Variants in COL1A1 observed in about 807,000 individuals in gnomAD.
COL1A1 encodes the protein collagen alpha-1(I) chain.
In COL1A1, 21 loss-of-function variants were observed where a neutral mutation model predicts 195.7. The observed-to-expected ratio is 0.11, with a 90% CI of 0.08 to 0.15. The LOEUF (loss-of-function observed/expected upper bound fraction) is 0.15, where lower values mean the gene tolerates loss of function less well. Among genes scored for constraint, COL1A1 ranks in the 10% least tolerant of loss-of-function variants. The probability of loss-of-function intolerance (pLI) is 1.00; values close to 1 mark genes in which losing one functional copy is unlikely to be tolerated. For synonymous variants in COL1A1, 749 were observed against 747.3 expected, an observed-to-expected ratio of 1.00 and a Z score of -0.04; for missense variants, 1,365 against 2,051.0, an observed-to-expected ratio of 0.67 and a Z score of 6.46.
Position 50,199,286 on chromosome 17 carries a change from C to T in COL1A1, c.411G>A (p.Gln137=). The change falls in exon 5 of 51, where the codon CAG becomes CAA. Residue 137 remains glutamine (Q), a synonymous_variant. Coordinates refer to ENST00000225964, the MANE Select transcript of COL1A1 (RefSeq NM_000088.4). The part of the protein sequence containing the change: ...GPPGRDGIPG[Q]PGLPGPPGPP... ...GTCCGGGGGGTCCGGGAAGTCCAGG[C>T]TGTCCAGGGATGCCATCTCGGCCAG... 1 of 1,527,930 alleles carries T rather than the reference C, an allele frequency of 6.5e-7. No individual in the cohort carries two copies. Among genetic ancestry groups the T allele is most frequent in the Non-Finnish European group, 8.8e-7 (1 of 1,133,562 alleles). 94.6% of individuals were successfully genotyped at this position (1,527,930 alleles called of 1,614,324 possible).
chr17:50,193,190 T>G, intron 25 of COL1A1, 143 bp from the exon 26 acceptor site: 2 of 801,274 alleles, frequency 2.5e-6, no homozygotes, highest in Non-Finnish European at 4.1e-6. Flanking sequence ...CCCCTGCAGG[T>G]GCTTCTTGCT....
chr17:50,195,880 T>C lies in COL1A1; in HGVS notation c.1056+43A>G, dbSNP rs1220659811. ...GGGGAACAGGGAGACATGAACCCCT[T>C]GGCCCATGAGGGTCATGCTTAGAGG... On this transcript the variant is annotated intron_variant, in intron 16 of 50. Coordinates refer to ENST00000225964, the MANE Select transcript of COL1A1 (RefSeq NM_000088.4). The surrounding 1 kb of genome is among the most constrained non-coding windows in gnomAD (Gnocchi z 4.3). 6.4e-7 allele frequency: 1 copy of C among 1,554,890 alleles called. No homozygotes were observed. The highest frequency in any genetic ancestry group is 8.7e-7 in the Non-Finnish European group (1 of 1,147,818).
Position 50,191,446 on chromosome 17 carries a change from A to T in COL1A1, c.2172T>A (p.Pro724=). ...APGAPGSQGA[P]GLQGMPGERG... is the part of the protein sequence containing the mutation. ...GTTCACCAGGCATTCCCTGAAGGCC[A>T]GGGGCGCCCTGGCTACCGGGAGCTC... The change falls in exon 32 of 51, where the codon CCT becomes CCA. Residue 724 remains proline, a synonymous_variant. Transcript: ENST00000225964. 1 of 1,614,008 alleles carries T rather than the reference A, an allele frequency of 6.2e-7. No homozygotes were observed. The highest frequency in any genetic ancestry group is 8.5e-7 in the Non-Finnish European group (1 of 1,179,942).
chr17:50,186,569 G>A lies in COL1A1; in HGVS notation c.3815-62C>T. On this transcript the variant is annotated intron_variant, in intron 48 of 50. Transcript: ENST00000225964. The surrounding 1 kb of genome is among the most constrained non-coding windows in gnomAD (Gnocchi z 5.3). ...GGAGCAGCCAGCACCATATGGTAGG[G>A]GCACATATGGGCATGGGGACCCTGG... 1 of 1,612,022 alleles carries A rather than the reference G, an allele frequency of 6.2e-7. No homozygotes were observed. Among genetic ancestry groups the A allele is most frequent in the Non-Finnish European group, 8.5e-7 (1 of 1,178,254 alleles).
In COL1A1 at chr17:50,194,521, A is replaced by C. The variant is rs1293566036; in HGVS notation, c.1515+52T>G. On this transcript the variant is annotated intron_variant, in intron 22 of 50. Transcript: ENST00000225964. This position sits in a 1 kb window ranked among gnomAD's most constrained non-coding sequence, Gnocchi z 6.8. ...CTTTGCCACGGGCCAAAAGAGGAAG[A>C]AGATGCCCAGGGAGCGGCAGGGTCA... is the stretch of plus-strand genomic sequence containing the variant. 1.2e-6 allele frequency: 2 copies of C among 1,612,744 alleles called. No homozygotes were observed. Among genetic ancestry groups the C allele is most frequent in the African/African-American group, 1.3e-5 (1 of 75,000 alleles).
chr17:50,196,537 C>A lies in COL1A1; in HGVS notation c.859-9G>T. 1 of 1,614,206 alleles carries A rather than the reference C, an allele frequency of 6.2e-7. No homozygotes were observed. Among genetic ancestry groups the A allele is most frequent in the Middle Eastern group, 1.7e-4 (1 of 6,060 alleles). ...GGGCTGCCAGGCTCACCCTGTAGAT[C>A]AGAGAATAATGAGTGAGAAATTCAT... On this transcript the variant is annotated splice_polypyrimidine_tract_variant and intron_variant, in intron 12 of 50. Transcript: ENST00000225964.
At chr17:50,192,114 G>C (rs558102492) in intron 29 of COL1A1, 90 bp from the exon 30 acceptor site, 327 of 1,387,554 alleles carry the variant, frequency 2.4e-4, no homozygotes, top group Non-Finnish European at 3.2e-4. Flanking sequence ...CTGGGGTCTG[G>C]CCGTGATTAG....
In COL1A1 at chr17:50,185,996, C is replaced by G. The variant is rs371547661; in HGVS notation, c.4030G>C (p.Asp1344His). Residue 1344 changes from aspartate (D) to histidine (H), a missense_variant, in exon 50 of 51, where the codon GAC becomes CAC. Physicochemically the swap from Asp to His is moderately conservative, Grantham distance 81. Transcript: ENST00000225964. ...FQFEYGGQGSDPADVAIQLTF... is the reference protein window; with the variant it reads ...FQFEYGGQGSHPADVAIQLTF... ...AGCTGGATGGCCACATCGGCAGGGT[C>G]GGAGCCCTGGCCGCCATACTCGAAC... is the stretch of plus-strand genomic sequence containing the variant. 1 of 1,612,554 alleles carries G rather than the reference C, an allele frequency of 6.2e-7. No homozygotes were observed.
Position 50,192,627 on chromosome 17 carries a change from C to T in COL1A1, c.1929+13G>A. 1 of 1,614,212 alleles carries T rather than the reference C, an allele frequency of 6.2e-7. No individual in the cohort carries two copies. On this transcript the variant is annotated intron_variant, in intron 28 of 50. Coordinates refer to ENST00000225964, the MANE Select transcript of COL1A1 (RefSeq NM_000088.4). ...CCCTACCTCCCAGCATCCTGACAGC[C>T]ATGAGGCCTCACCTGGAATCCGGGG...
At chr17:50,191,665 C>G in intron 31 of COL1A1, 123 bp downstream of exon 31, 1 of 1,232,242 alleles carries the variant, frequency 8.1e-7, no homozygotes. Flanking sequence ...CTGCCCTGGT[C>G]TTTTCCCCCC....
Position 50,185,551 on chromosome 17 carries a change from G to A in COL1A1, c.4346C>T (p.Ala1449Val). 1 of 1,613,794 alleles carries A rather than the reference G, an allele frequency of 6.2e-7. No individual in the cohort carries two copies. The highest frequency in any genetic ancestry group is 8.5e-7 in the Non-Finnish European group (1 of 1,179,946). The change falls in exon 51 of 51, where the codon GCC becomes GTC. Residue 1449 changes from alanine (A) to valine (V), a missense_variant. Transcript: ENST00000225964. Reference sequence around the variant, plus strand: ...GTCGAAGCCGAATTCCTGGTCTGGGGCACCAACGTCCAAGGGGGCCACATC... The same window carrying A: ...GTCGAAGCCGAATTCCTGGTCTGGGACACCAACGTCCAAGGGGGCCACATC... ...IIDVAPLDVG[A>V]PDQEFGFDVG... is the part of the protein sequence containing the mutation.
At position 50,192,653 on chromosome 17, in the gene COL1A1, G is replaced by A; in HGVS notation, c.1916C>T (p.Ser639Phe). The change falls in exon 28 of 51, where the codon TCC becomes TTC. Residue 639 changes from serine (S) to phenylalanine (F), a missense_variant. Physicochemically the swap from Ser to Phe is radical, Grantham distance 155 (BLOSUM62 -2). Coordinates refer to ENST00000225964, the MANE Select transcript of COL1A1 (RefSeq NM_000088.4). ...ATGAGGCCTCACCTGGAATCCGGGG[G>A]AGCCAGCAGGGCCTTGTTCACCTCT... ...GERGEQGPAGSPGFQGLPGPA... is the reference protein window; with the variant it reads ...GERGEQGPAGFPGFQGLPGPA... The A allele has an allele frequency of 6.2e-7, 1 of 1,614,220 alleles. No homozygotes were observed. The highest frequency in any genetic ancestry group is 8.5e-7 in the Non-Finnish European group (1 of 1,180,038).
chr17:50,199,238 AGGGGGTCCGGGAGGTCCG>A lies in COL1A1; in HGVS notation c.441_458del (p.Pro149_Gly154del), dbSNP rs1315804923. On this transcript the variant is annotated inframe_deletion, in exon 5 of 51. Transcript: ENST00000225964. ...CCTCTCCACTTACTCCTCCGAGGCC[AGGGGGTCCGGGAGGTCCG>A]GGGGGTCCGGGGGGTCCGGGAAGTC... 5.0e-5 allele frequency: 73 copies of A among 1,463,652 alleles called. No individual in the cohort carries two copies. Among genetic ancestry groups the A allele is most frequent in the Admixed American group, 2.6e-5 (1 of 38,432 alleles). 90.7% of individuals were successfully genotyped at this position (1,463,652 alleles called of 1,614,324 possible). A position where few individuals can be genotyped will look rare whatever the true frequency, so the allele number is the denominator to read the frequency against.
intron 29 of COL1A1, 161 bp downstream of exon 29, chr17:50,192,314 C>T (rs1907171625): frequency 2.4e-6 from 2 of 847,210 alleles, no homozygotes; most frequent in Non-Finnish European, 3.9e-6. Context: ...AATCATGCAG[C>T]CCCCACTTCC....
At chr17:50,199,103 T>C (rs1567763974) in intron 5 of COL1A1, 123 bp downstream of exon 5, 2 of 1,174,126 alleles carry the variant, frequency 1.7e-6, no homozygotes, top group Admixed American at 6.4e-5. Context: ...TGTGAGAGTT[T>C]CCTGTAGGAT....
intron 5 of COL1A1, 22 bp from the exon 6 acceptor site, chr17:50,198,526 A>T (rs1485264834): frequency 6.3e-7 from 1 of 1,599,810 alleles, no homozygotes; most frequent in Admixed American, 1.7e-5. Context: ...AAGAGAAGTC[A>T]GAGTGAGGAC....
At position 50,189,574 on chromosome 17, in the gene COL1A1, G is replaced by A; in HGVS notation, c.2668-36C>T. The A allele has an allele frequency of 1.2e-6, 2 of 1,612,876 alleles. No individual in the cohort carries two copies. The highest frequency in any genetic ancestry group is 2.2e-5 in the East Asian group (1 of 44,780). On this transcript the variant is annotated intron_variant, in intron 38 of 50. Coordinates refer to ENST00000225964, the MANE Select transcript of COL1A1 (RefSeq NM_000088.4). This position sits in a 1 kb window ranked among gnomAD's most constrained non-coding sequence, Gnocchi z 5.5. ...ATAGGAGGGGCTGTCAGACTCCAGG[G>A]GGCTCTGGTGCATCATTGGGTCCTC...
At position 50,196,209 on chromosome 17, in the gene COL1A1, A is replaced by G; in HGVS notation, c.958-10T>C. ...CATTTCCACGAGCACCCTGCAGGAGAGAGGGGAAGCCCCGTTAAGTCCACT... is the reference window on the plus strand; with the variant it reads ...CATTTCCACGAGCACCCTGCAGGAGGGAGGGGAAGCCCCGTTAAGTCCACT... On this transcript the variant is annotated splice_polypyrimidine_tract_variant and intron_variant, in intron 14 of 50. Coordinates refer to ENST00000225964, the MANE Select transcript of COL1A1 (RefSeq NM_000088.4). The G allele has an allele frequency of 6.2e-7, 1 of 1,613,930 alleles. No individual in the cohort carries two copies. The highest frequency in any genetic ancestry group is 8.5e-7 in the Non-Finnish European group (1 of 1,179,934).
At position 50,184,475 on chromosome 17, in the gene COL1A1, C is replaced by CAAA. The variant is rs58879635; in HGVS notation, c.*1024_*1026dup. 4.1e-4 allele frequency: 50 copies of CAAA among 122,084 alleles called. No individual in the cohort carries two copies. Among genetic ancestry groups the CAAA allele is most frequent in the Non-Finnish European group, 5.6e-4 (36 of 64,224 alleles). 7.6% of individuals were successfully genotyped at this position (122,084 alleles called of 1,614,324 possible). ...AGAAAAATTCACAAGTCCCCATCCA[C>CAAA]AAAAAAAAAAAAAAAAAAAGAAAAA... On this transcript the variant is annotated 3_prime_UTR_variant, in exon 51 of 51. Transcript: ENST00000225964.
Sources: gnomAD v4.1 joint callset for allele counts on GRCh38, gnomAD v4.1.1 for gene constraint, Gnocchi (gnomAD v3.1) non-coding constraint, MANE v1.5 for transcripts, NCBI Gene and HGNC (gene_info 2026-07-23, HGNC 2026-07-21) for gene names.